Variants in PTPRJ observed in about 807,000 individuals in gnomAD.
PTPRJ encodes receptor-type tyrosine-protein phosphatase eta.
PTPRJ carries 129 observed loss-of-function variants against 141.3 expected under a neutral mutation model. The observed-to-expected ratio is 0.91, with a 90% CI of 0.79 to 1.06. The LOEUF (loss-of-function observed/expected upper bound fraction) is 1.06. Ranked by LOEUF, PTPRJ falls within the 50% of genes least tolerant of loss-of-function variation. PTPRJ has a pLI of 0.00. For synonymous variants in PTPRJ, 610 were observed against 640.5 expected (o/e 0.95, Z 0.72); for missense variants, 1,601 against 1,679.7 (o/e 0.95, Z 0.82).
rs576314483 is a variant in PTPRJ at position 47,995,930 on chromosome 11, C to T, written c.96+14922C>T. Among the ~76,000 whole-genome samples the T allele has an allele frequency of 4.2e-4, 63 of 151,732 alleles. No homozygotes were observed. The South Asian group carries it at 0.012, about 30-fold the overall frequency. ...GCACATGCCTGTAATCCCAGCTACTCGGGAGGCTGAGGCAGGAGAAGTGCT... is the reference window on the plus strand; with the variant it reads ...GCACATGCCTGTAATCCCAGCTACTTGGGAGGCTGAGGCAGGAGAAGTGCT... On this transcript the variant is annotated intron_variant, in intron 1 of 24. Transcript: ENST00000418331.
rs1437506736 is a variant in PTPRJ at position 48,059,109 on chromosome 11, C to CTTTTTTTTTTTTTTTTTT, written c.97-50949_97-50948insTTTTTTTTTTTTTTTTTT. 2.4e-5 allele frequency among the ~76,000 whole-genome samples: 3 copies of CTTTTTTTTTTTTTTTTTT among 125,932 alleles called. 1 individual carries two copies. The highest frequency in any genetic ancestry group is 3.5e-5 in the African/African-American group (1 of 28,236). The allele number at this position is 125,932 out of a possible 152,430, so 82.6% of individuals were successfully genotyped here. Reference sequence around the variant, plus strand: ...CCTGATCGCTCCCTACTGTGCTGTGCCTTTTTTTTTTTTTTTTTTTTTTTT... The same window carrying CTTTTTTTTTTTTTTTTTT: ...CCTGATCGCTCCCTACTGTGCTGTGCTTTTTTTTTTTTTTTTTTCTTTTTTTTTTTTTTTTTTTTTTTT... On this transcript the variant is annotated intron_variant, in intron 1 of 24. Coordinates refer to ENST00000418331, the MANE Select transcript of PTPRJ (RefSeq NM_002843.4).
intron 1 of PTPRJ, among the ~76,000 whole-genome samples, chr11:48,088,865 C>G (rs1164725286): frequency 1.3e-5 from 2 of 152,130 alleles, no homozygotes; most frequent in Admixed American, 1.3e-4. Context: ...AGCAAATGCA[C>G]TCTCCACCCT....
chr11:48,011,357 G>A (rs1365947046), intron 1 of PTPRJ, among the ~76,000 whole-genome samples: 1 of 152,154 alleles, frequency 6.6e-6, no homozygotes, highest in Non-Finnish European at 1.5e-5. Context: ...GGTGGCCTGG[G>A]TTCTGTTTCT....
chr11:48,165,784 ACTAGAGT>A (rs1164363080), intron 24 of PTPRJ, among the ~76,000 whole-genome samples: 19 of 152,138 alleles, frequency 1.2e-4, no homozygotes, highest in African/African-American at 4.6e-4. Flanking sequence ...TATCCCTGCT[ACTAGAGT>A]CTAATCTCTT....
chr11:48,111,521 A>G (rs1272350811), intron 2 of PTPRJ, among the ~76,000 whole-genome samples: 1 of 152,152 alleles, frequency 6.6e-6, no homozygotes, highest in Non-Finnish European at 1.5e-5. Context: ...TCAATTAATA[A>G]TGGTAATTAG....
chr11:48,129,440 G>A (rs1174840795), intron 7 of PTPRJ, among the ~76,000 whole-genome samples: 1 of 152,112 alleles, frequency 6.6e-6, no homozygotes, highest in East Asian at 1.9e-4. Flanking sequence ...CAGTCTTGCT[G>A]GATTAGGGCC....
chr11:48,034,397 T>C (rs574196705), intron 1 of PTPRJ, among the ~76,000 whole-genome samples: 76 of 152,300 alleles, frequency 5.0e-4, no homozygotes, highest in Non-Finnish European at 8.1e-4. Context: ...TCTGTTTTTC[T>C]TGGGTTTCCA....
chr11:48,139,453 G>A (rs375648458), intron 10 of PTPRJ, 33 bp from the exon 11 acceptor site: 6 of 1,599,796 alleles, frequency 3.8e-6, no homozygotes, highest in Non-Finnish European at 4.3e-6. Flanking sequence ...CAAAAGTCCC[G>A]GAATCTCATG....
At chr11:48,091,878 A>C (rs12576134) in intron 1 of PTPRJ, among the ~76,000 whole-genome samples, 23,109 of 152,206 alleles carry the variant, frequency 0.15, 1,850 homozygotes, top group East Asian at 0.28. Flanking sequence ...TGAGGATAGG[A>C]CTGGGCTGAA....
chr11:47,994,199 TAAAAG>T (rs1313249017), intron 1 of PTPRJ, among the ~76,000 whole-genome samples: 2 of 151,178 alleles, frequency 1.3e-5, no homozygotes, highest in African/African-American at 4.9e-5. Context: ...AAAATACAGA[TAAAAG>T]GAAACAAAAT....
At chr11:48,035,643 T>C (rs924824301) in intron 1 of PTPRJ, among the ~76,000 whole-genome samples, 1 of 150,286 alleles carries the variant, frequency 6.7e-6, no homozygotes, top group Non-Finnish European at 1.5e-5. Flanking sequence ...GAAAATGTTC[T>C]ATGTAAATGA....
chr11:48,016,043 T>C (rs1386708214), intron 1 of PTPRJ, among the ~76,000 whole-genome samples: 6 of 152,066 alleles, frequency 3.9e-5, no homozygotes, highest in African/African-American at 1.4e-4. Context: ...CCAGGTCTGT[T>C]TGGCTTTTGC....
At chr11:48,014,894 T>C (rs187122838) in intron 1 of PTPRJ, among the ~76,000 whole-genome samples, 35 of 152,096 alleles carry the variant, frequency 2.3e-4, no homozygotes, top group Non-Finnish European at 4.1e-4. Context: ...TTAGTACAAA[T>C]GGGGTTTCAC....
intron 1 of PTPRJ, among the ~76,000 whole-genome samples, chr11:48,034,489 C>G (rs907262260): frequency 1.3e-5 from 2 of 152,088 alleles, no homozygotes; most frequent in Non-Finnish European, 2.9e-5. Flanking sequence ...TAAAGGATAC[C>G]TCTATTCCCC....
At chr11:48,165,349 G>A (rs142657882) in intron 24 of PTPRJ, among the ~76,000 whole-genome samples, 42 of 152,262 alleles carry the variant, frequency 2.8e-4, no homozygotes, top group Non-Finnish European at 4.4e-4. Context: ...GCTGACCAGC[G>A]GAGAAAAGGA....
intron 22 of PTPRJ, among the ~76,000 whole-genome samples, chr11:48,162,233 C>CA (rs1253484695): frequency 6.6e-6 from 1 of 152,038 alleles, no homozygotes; most frequent in Non-Finnish European, 1.5e-5. Flanking sequence ...AAATTACAAA[C>CA]AGAGCTAAAG....
chr11:48,070,436 G>T (rs988718727), intron 1 of PTPRJ, among the ~76,000 whole-genome samples: 7 of 151,704 alleles, frequency 4.6e-5, no homozygotes, highest in Non-Finnish European at 8.8e-5. Context: ...AGGAGGCGGA[G>T]GTTGCAGTGA....
chr11:47,986,944 G>T (rs1187422309), intron 1 of PTPRJ, among the ~76,000 whole-genome samples: 4 of 152,164 alleles, frequency 2.6e-5, no homozygotes, highest in Non-Finnish European at 5.9e-5. Flanking sequence ...GGCTGGGCAG[G>T]GTGACTCATT....
intron 1 of PTPRJ, among the ~76,000 whole-genome samples, chr11:48,025,533 G>C (rs554368736): frequency 6.6e-6 from 1 of 152,306 alleles, no homozygotes; most frequent in Admixed American, 6.5e-5. Flanking sequence ...TCAGATACCG[G>C]AATTGCCACA....
Sources: allele counts gnomAD v4.1 joint callset (sites outside exome capture counted in the v4.1 genomes callset), GRCh38; gene constraint gnomAD v4.1.1; transcripts MANE v1.5; gene names NCBI Gene and HGNC (gene_info 2026-07-23, HGNC 2026-07-21).